The following ADIG variants were observed in gnomAD, a reference collection of about 807,000 sequenced individuals.
ADIG encodes the protein adipogenesis associated.
ADIG carries 12 observed loss-of-function variants against 10.7 expected under a neutral mutation model. The ratio of observed to expected loss-of-function variants is 1.12; its 90% CI spans 0.72 to 1.82. ADIG has a LOEUF of 1.82. Ranked by LOEUF, ADIG falls within the 40% of genes most tolerant of loss-of-function variation. The pLI is 0.00. For missense variants in ADIG, 72 were observed against 92.5 expected (o/e 0.78, Z 0.91); for synonymous variants, 32 against 35.6 (o/e 0.90, Z 0.36).
At chr20:38,584,601 TGAG>T (rs2088618627) in intron 1 of ADIG, among the ~76,000 whole-genome samples, 1 of 152,256 alleles carries the variant, frequency 6.6e-6, no homozygotes, top group Non-Finnish European at 1.5e-5. Context: ...TCCCTGGCTG[TGAG>T]CCTGGACAAG....
In ADIG at chr20:38,588,375, G is replaced by A. The variant is rs865939728; in HGVS notation, c.*289G>A. On this transcript the variant is annotated 3_prime_UTR_variant, in exon 3 of 3. Coordinates refer to ENST00000537425, the MANE Select transcript of ADIG (RefSeq NM_001393816.1). The stretch of plus-strand genomic sequence containing the variant: ...GAAATTGGCCAATTTAATTCAGAGG[G>A]GTCTTAAAGCAGGGCTGGGCCGGAG... The A allele has an allele frequency of 1.5e-5, 19 of 1,290,730 alleles. 1 individual carries two copies. In the Middle Eastern group the frequency reaches 3.0e-3, roughly 205 times the overall value. 80.0% of individuals were successfully genotyped at this position (1,290,730 alleles called of 1,614,324 possible).
At position 38,581,391 on chromosome 20, in the gene ADIG, G is replaced by T. The variant is rs767298970; in HGVS notation, c.124+17G>T. The T allele has an allele frequency of 6.2e-7, 1 of 1,613,636 alleles. No individual in the cohort carries two copies. The highest frequency in any genetic ancestry group is 8.5e-7 in the Non-Finnish European group (1 of 1,179,766). On this transcript the variant is annotated intron_variant, in intron 1 of 2. Coordinates refer to ENST00000537425, the MANE Select transcript of ADIG (RefSeq NM_001393816.1). ...TTAGCCAAGGTGAGCTTCTTACCCCGTCCAGGCAGGACCCTAATCCTGGAG... is the reference window on the plus strand; with the variant it reads ...TTAGCCAAGGTGAGCTTCTTACCCCTTCCAGGCAGGACCCTAATCCTGGAG...
intron 2 of ADIG, 165 bp downstream of exon 2, chr20:38,586,326 G>C: frequency 1.6e-6 from 1 of 609,618 alleles, no homozygotes; most frequent in East Asian, 2.9e-5. Flanking sequence ...TTCATTGTGG[G>C]GGAGACCTGG....
chr20:38,585,890 T>C (rs1006023645), intron 1 of ADIG, 139 bp from the exon 2 acceptor site: 2 of 809,126 alleles, frequency 2.5e-6, no homozygotes, highest in African/African-American at 1.7e-5. Context: ...GCCTCAAGGC[T>C]GGCTCATAGG....
Position 38,581,327 on chromosome 20 carries a change from G to C in ADIG, c.77G>C (p.Gly26Ala). ...GTTTTCTGGTTCTGCCTCCCTGTGG[G>C]TTTGCTGTTGTTATTGATCATCTGG... is the stretch of plus-strand genomic sequence containing the variant. Reference protein sequence around the residue: ...FLVFWFCLPVGLLLLLIIWLR... With the variant: ...FLVFWFCLPVALLLLLIIWLR... The change falls in exon 1 of 3, where the codon GGT (glycine) becomes GCT (alanine). Residue 26 changes from glycine (G) to alanine (A), a missense_variant. Coordinates refer to ENST00000537425, the MANE Select transcript of ADIG (RefSeq NM_001393816.1). The C allele has an allele frequency of 6.2e-7, 1 of 1,613,992 alleles. No individual in the cohort carries two copies. The highest frequency in any genetic ancestry group is 8.5e-7 in the Non-Finnish European group (1 of 1,179,894).
intron 2 of ADIG, among the ~76,000 whole-genome samples, chr20:38,586,883 G>A (rs1407134497): frequency 7.1e-6 from 1 of 140,296 alleles, no homozygotes; most frequent in Non-Finnish European, 1.5e-5. Flanking sequence ...ATACTCTCAT[G>A]TGAGGTGTCA....
intron 1 of ADIG, among the ~76,000 whole-genome samples, chr20:38,584,040 A>G (rs764650563): frequency 6.6e-6 from 1 of 152,102 alleles, no homozygotes; most frequent in Non-Finnish European, 1.5e-5. Context: ...CCTGAAATCC[A>G]GTTTGAAAAG....
At chr20:38,585,992 G>A (rs1346681729) in intron 1 of ADIG, 37 bp from the exon 2 acceptor site, 2 of 1,558,948 alleles carry the variant, frequency 1.3e-6, no homozygotes, top group South Asian at 2.4e-5. Context: ...GAGACAGGAT[G>A]TGACCATCCA....
In ADIG at chr20:38,588,030, G is replaced by T. The variant is rs894689781; in HGVS notation, c.*15-71G>T. The stretch of plus-strand genomic sequence containing the variant: ...TGGGATTACAGGCATGAACCACCAC[G>T]TCTGGCCTTACCCACCTCTTTTTTC... On this transcript the variant is annotated intron_variant, in intron 2 of 2. Transcript: ENST00000537425. 2.4e-6 allele frequency: 3 copies of T among 1,232,748 alleles called. No individual in the cohort carries two copies. In the African/African-American group the frequency reaches 4.7e-5, roughly 19 times the overall value. The allele number at this position is 1,232,748 out of a possible 1,614,324, so 76.4% of individuals were successfully genotyped here. A position where few individuals can be genotyped will look rare whatever the true frequency, so the allele number is the denominator to read the frequency against.
At chr20:38,585,434 G>C (rs1453521446) in intron 1 of ADIG, 3 of 1,550,274 alleles carry the variant, frequency 1.9e-6, no homozygotes, top group Non-Finnish European at 2.6e-6. Flanking sequence ...ATATACCGTA[G>C]ATATTCTGCA....
At chr20:38,585,515 G>A in intron 1 of ADIG, 1 of 1,550,554 alleles carries the variant, frequency 6.4e-7, no homozygotes, top group Non-Finnish European at 8.7e-7. Context: ...GAGGGTCCGG[G>A]TCTCCATGTG....
At chr20:38,583,109 C>T (rs2088602996) in intron 1 of ADIG, among the ~76,000 whole-genome samples, 1 of 152,228 alleles carries the variant, frequency 6.6e-6, no homozygotes, top group Admixed American at 6.5e-5. Context: ...TGAGCCACCG[C>T]ACCCAGCCTC....
intron 1 of ADIG, among the ~76,000 whole-genome samples, chr20:38,584,557 G>A (rs943689440): frequency 3.9e-5 from 6 of 152,224 alleles, no homozygotes; most frequent in Non-Finnish European, 7.3e-5. Flanking sequence ...GAACCGTGGA[G>A]TGGGGAGGCT....
chr20:38,581,218 C>T lies in ADIG; in HGVS notation c.-33C>T, dbSNP rs1230157109. ...CCATGGGGCAGCCCTGCCAGCCCAG[C>T]CCAGGCTGGCCCAGCTTAGCCACAC... On this transcript the variant is annotated 5_prime_UTR_variant, in exon 1 of 3. Transcript: ENST00000537425. The T allele has an allele frequency of 3.8e-6, 6 of 1,583,472 alleles. No individual in the cohort carries two copies.
chr20:38,588,431 C>T lies in ADIG; in HGVS notation c.*345C>T, dbSNP rs2088656285. On this transcript the variant is annotated 3_prime_UTR_variant, in exon 3 of 3. Transcript: ENST00000537425. ...GGGTCCATATTAAAGAAGCAAGGGTCTTCCCATACCCGGGGGACCCCTGAC... is the reference window on the plus strand; with the variant it reads ...GGGTCCATATTAAAGAAGCAAGGGTTTTCCCATACCCGGGGGACCCCTGAC... 2.5e-6 allele frequency: 3 copies of T among 1,213,406 alleles called. No homozygotes were observed. The highest frequency in any genetic ancestry group is 3.2e-6 in the Non-Finnish European group (3 of 946,382). 75.2% of individuals were successfully genotyped at this position (1,213,406 alleles called of 1,614,324 possible).
chr20:38,585,471 A>T (rs980193591), intron 1 of ADIG: 1 of 1,550,460 alleles, frequency 6.4e-7, no homozygotes, highest in Non-Finnish European at 8.7e-7. Context: ...TATGATGCAA[A>T]CATTTTAACA....
chr20:38,587,323 G>A (rs1023684828), intron 2 of ADIG, among the ~76,000 whole-genome samples: 3 of 152,252 alleles, frequency 2.0e-5, no homozygotes, highest in African/African-American at 7.2e-5. Flanking sequence ...CTGAGTGGAG[G>A]GAGGAGGTGG....
chr20:38,586,848 C>CCATTTACAAATGAGAA (rs59502603), intron 2 of ADIG, among the ~76,000 whole-genome samples: 21,624 of 151,720 alleles, frequency 0.14, 3,132 homozygotes, highest in African/African-American at 0.37. Flanking sequence ...ATTCTCACCT[C>CCATTTACAAATGAGAA]CATTTACAAA....
intron 1 of ADIG, chr20:38,585,805 C>T (rs530676727): frequency 8.2e-6 from 5 of 609,930 alleles, no homozygotes; most frequent in African/African-American, 7.4e-5. Flanking sequence ...CTAGATACGG[C>T]CATTTTCCAA....
Sources: gnomAD v4.1 joint callset for allele counts (sites outside exome capture counted in the v4.1 genomes callset) on GRCh38, gnomAD v4.1.1 for gene constraint, MANE v1.5 for transcripts, NCBI Gene and HGNC (gene_info 2026-07-23, HGNC 2026-07-21) for gene names.